Variants in CSMD3 observed in about 807,000 individuals in gnomAD.
CSMD3 encodes CUB and sushi domain-containing protein 3.
In CSMD3, 177 loss-of-function variants were observed where a neutral mutation model predicts 435.2. The ratio of observed to expected loss-of-function variants is 0.41; its 90% CI spans 0.36 to 0.46. CSMD3 has a LOEUF of 0.46. CSMD3 is among the 20% of genes least tolerant of loss of function. The probability of loss-of-function intolerance (pLI) is 0.34; values close to 1 mark genes in which losing one functional copy is unlikely to be tolerated. For synonymous variants in CSMD3, 1,656 were observed against 1,520.5 expected, an observed-to-expected ratio of 1.09 and a Z score of -2.07; for missense variants, 4,265 against 4,504.6, an observed-to-expected ratio of 0.95 and a Z score of 1.52.
At chr8:113,214,000 A>T (rs944421383) in intron 3 of CSMD3, among the ~76,000 whole-genome samples, 1 of 152,076 alleles carries the variant, frequency 6.6e-6, no homozygotes, top group Non-Finnish European at 1.5e-5. Flanking sequence ...CAAGCATACA[A>T]GGAAATCTAA....
At chr8:112,324,214 G>A (rs1823282493) in intron 45 of CSMD3, among the ~76,000 whole-genome samples, 1 of 151,904 alleles carries the variant, frequency 6.6e-6, no homozygotes, top group Non-Finnish European at 1.5e-5. Context: ...TATTTGCCAT[G>A]TTCATTTCCT....
chr8:113,301,869 T>G (rs1168889209), intron 2 of CSMD3, among the ~76,000 whole-genome samples: 1 of 152,068 alleles, frequency 6.6e-6, no homozygotes, highest in Non-Finnish European at 1.5e-5. Context: ...ATCCTTCAGA[T>G]GTATGTCACG....
At chr8:112,607,687 T>A (rs1435840039) in intron 22 of CSMD3, among the ~76,000 whole-genome samples, 2 of 152,168 alleles carry the variant, frequency 1.3e-5, no homozygotes, top group Non-Finnish European at 2.9e-5. Flanking sequence ...CATGATATAT[T>A]ACATTAACAA....
intron 32 of CSMD3, among the ~76,000 whole-genome samples, chr8:112,469,986 G>A (rs1209588816): frequency 6.6e-6 from 1 of 152,142 alleles, no homozygotes; most frequent in Non-Finnish European, 1.5e-5. Flanking sequence ...GGCAAAGTGA[G>A]AATGAGAGGA....
At chr8:112,494,572 T>C (rs866782681) in intron 30 of CSMD3, among the ~76,000 whole-genome samples, 1 of 130,862 alleles carries the variant, frequency 7.6e-6, no homozygotes, top group African/African-American at 3.1e-5. Context: ...TCTTTCTTTC[T>C]TTTCTTTCTT....
intron 27 of CSMD3, among the ~76,000 whole-genome samples, chr8:112,543,263 A>G (rs1265285610): frequency 1.3e-5 from 2 of 152,196 alleles, no homozygotes; most frequent in Non-Finnish European, 2.9e-5. Context: ...GCAGGAATAC[A>G]TCCAACTTAA....
At chr8:113,250,162 A>G (rs2132293888) in intron 3 of CSMD3, among the ~76,000 whole-genome samples, 1 of 152,256 alleles carries the variant, frequency 6.6e-6, no homozygotes, top group African/African-American at 2.4e-5. Flanking sequence ...ATTATAGGAT[A>G]TAATTACATC....
chr8:112,313,871 G>C (rs1431859175), intron 49 of CSMD3, 35 bp downstream of exon 49: 1 of 1,531,198 alleles, frequency 6.5e-7, no homozygotes, highest in Non-Finnish European at 9.0e-7. Flanking sequence ...GAAGATGATA[G>C]TGAGATCTGT....
chr8:112,882,415 A>G (rs542847875), intron 10 of CSMD3, among the ~76,000 whole-genome samples: 1 of 152,032 alleles, frequency 6.6e-6, no homozygotes, highest in Admixed American at 6.6e-5. Context: ...TGCATAAATG[A>G]CTGTTTCCCT....
intron 59 of CSMD3, among the ~76,000 whole-genome samples, chr8:112,276,448 G>T (rs1818050617): frequency 1.3e-5 from 2 of 152,128 alleles, no homozygotes; most frequent in African/African-American, 4.8e-5. Flanking sequence ...CTGTGTAGGG[G>T]CTCCAACCCC....
rs373282701 is a variant in CSMD3, at chr8:112,695,480, T to C, written c.1973-5430A>G. Among the ~76,000 whole-genome samples, 22 of 152,108 alleles carry C rather than the reference T, an allele frequency of 1.4e-4. No individual in the cohort carries two copies. In the East Asian group the frequency reaches 2.9e-3, roughly 20 times the overall value. Reference sequence around the variant, plus strand: ...ATATAAAGAGAACCAAAGACAAAAATCACATGATTATCTCAATAGATGCAG... The same window carrying C: ...ATATAAAGAGAACCAAAGACAAAAACCACATGATTATCTCAATAGATGCAG... On this transcript the variant is annotated intron_variant, in intron 13 of 70. Transcript: ENST00000297405.
At chr8:112,539,803 A>G (rs888309365) in intron 27 of CSMD3, among the ~76,000 whole-genome samples, 2 of 152,128 alleles carry the variant, frequency 1.3e-5, no homozygotes, top group Non-Finnish European at 2.9e-5. Flanking sequence ...AACTACCAGA[A>G]GAAAACATTG....
intron 4 of CSMD3, among the ~76,000 whole-genome samples, chr8:113,102,395 C>T (rs2090355706): frequency 6.6e-6 from 1 of 152,054 alleles, no homozygotes; most frequent in Non-Finnish European, 1.5e-5. Context: ...CTTCCAAGTG[C>T]CAGGAGGAAA....
chr8:112,344,388 A>C (rs944902530), intron 41 of CSMD3, among the ~76,000 whole-genome samples: 6 of 152,334 alleles, frequency 3.9e-5, no homozygotes, highest in Admixed American at 3.9e-4. Flanking sequence ...CATACATTTT[A>C]TCTCCAGCAC....
At chr8:113,125,241 T>C (rs1323274298) in intron 4 of CSMD3, among the ~76,000 whole-genome samples, 1 of 151,910 alleles carries the variant, frequency 6.6e-6, no homozygotes, top group Non-Finnish European at 1.5e-5. Flanking sequence ...GGGCTCCAAG[T>C]AGAAGTGGAC....
At chr8:112,915,368 T>G (rs2082543378) in intron 10 of CSMD3, among the ~76,000 whole-genome samples, 1 of 151,800 alleles carries the variant, frequency 6.6e-6, no homozygotes, top group Admixed American at 6.6e-5. Flanking sequence ...ATTTCAAATT[T>G]TTAGGCTTTT....
intron 5 of CSMD3, among the ~76,000 whole-genome samples, chr8:113,068,997 G>C (rs1445172808): frequency 6.6e-6 from 1 of 150,652 alleles, no homozygotes; most frequent in East Asian, 2.0e-4. Context: ...ACAGTTACTA[G>C]GGAGTTAAGC....
chr8:113,256,203 T>C (rs1370611123), intron 3 of CSMD3, among the ~76,000 whole-genome samples: 1 of 152,174 alleles, frequency 6.6e-6, no homozygotes, highest in African/African-American at 2.4e-5. Flanking sequence ...TGTTGATAAA[T>C]ATCATATTTA....
chr8:112,888,857 A>G (rs971061063), intron 10 of CSMD3, among the ~76,000 whole-genome samples: 3 of 151,644 alleles, frequency 2.0e-5, no homozygotes, highest in African/African-American at 7.3e-5. Flanking sequence ...GTGCACCTGC[A>G]TGAAACTTAA....
Sources: gnomAD v4.1 joint callset for allele counts (sites outside exome capture counted in the v4.1 genomes callset) on GRCh38, gnomAD v4.1.1 for gene constraint, MANE v1.5 for transcripts, NCBI Gene and HGNC (gene_info 2026-07-23, HGNC 2026-07-21) for gene names.